The following WASHC3 variants were observed in gnomAD, a reference collection of about 807,000 sequenced individuals.
WASHC3 encodes WASH complex subunit CCDC53.
Under a neutral mutation model 26.1 loss-of-function variants are expected in WASHC3, and 24 were observed. That is an observed-to-expected ratio of 0.92 (90% confidence interval 0.66 to 1.29). The LOEUF (loss-of-function observed/expected upper bound fraction) is 1.29. Ranked by LOEUF, WASHC3 falls within the 50% of genes most tolerant of loss-of-function variation. WASHC3 has a pLI of 0.00. For synonymous variants in WASHC3, 77 were observed against 75.7 expected (o/e 1.02, Z -0.09); for missense variants, 214 against 229.6 (o/e 0.93, Z 0.44).
At chr12:102,038,968 T>A (rs1015227584) in intron 5 of WASHC3, among the ~76,000 whole-genome samples, 2 of 151,798 alleles carry the variant, frequency 1.3e-5, no homozygotes, top group Non-Finnish European at 2.9e-5. Context: ...TATTATTATT[T>A]TTTGAGACAG....
intron 2 of WASHC3, among the ~76,000 whole-genome samples, chr12:102,055,057 G>A (rs1403795355): frequency 3.3e-5 from 5 of 151,518 alleles, no homozygotes; most frequent in African/African-American, 4.8e-5. Context: ...AATAATGATC[G>A]GAACAGAAAA....
rs570449844 is a variant in WASHC3, at chr12:102,030,070, C to T, written c.436-4032G>A. ...CAGCACTTTGGGAGGCTGAGGTGGG[C>T]GGATCACCTGAGGTCGGGAGTTCGA... On this transcript the variant is annotated intron_variant, in intron 5 of 6. Transcript: ENST00000240079. Among the ~76,000 whole-genome samples the T allele has an allele frequency of 1.6e-4, 24 of 151,922 alleles. 1 individual carries two copies. In the East Asian group the frequency reaches 4.3e-3, roughly 27 times the overall value.
chr12:102,052,617 G>T (rs1878436303), intron 2 of WASHC3, among the ~76,000 whole-genome samples: 1 of 149,614 alleles, frequency 6.7e-6, no homozygotes. Context: ...TGGGCCCAAG[G>T]TTCAGGCCCA....
intron 5 of WASHC3, among the ~76,000 whole-genome samples, chr12:102,027,841 T>C (rs983371307): frequency 6.6e-6 from 1 of 152,154 alleles, no homozygotes; most frequent in African/African-American, 2.4e-5. Context: ...TGTTGTTTTG[T>C]CTTATAAATT....
At chr12:102,038,638 T>C (rs1877782765) in intron 5 of WASHC3, among the ~76,000 whole-genome samples, 1 of 152,208 alleles carries the variant, frequency 6.6e-6, no homozygotes, top group South Asian at 2.1e-4. Flanking sequence ...TTAAACTGGC[T>C]TTGTTTTATT....
chr12:102,044,247 T>C (rs1365130512), intron 3 of WASHC3, 35 bp from the exon 4 acceptor site: 2 of 1,085,782 alleles, frequency 1.8e-6, no homozygotes, highest in Admixed American at 2.1e-5. Context: ...AATATGAAGA[T>C]AGTACTTGCA....
chr12:102,021,663 G>A (rs1876964581), intron 6 of WASHC3, among the ~76,000 whole-genome samples: 1 of 152,146 alleles, frequency 6.6e-6, no homozygotes, highest in South Asian at 2.1e-4. Flanking sequence ...AACGGAAACA[G>A]TAAAAACCCT....
chr12:102,036,619 C>T (rs1307979958), intron 5 of WASHC3, among the ~76,000 whole-genome samples: 1 of 152,028 alleles, frequency 6.6e-6, no homozygotes, highest in Non-Finnish European at 1.5e-5. Flanking sequence ...GAACCAATTA[C>T]ATAAAAATTA....
intron 5 of WASHC3, among the ~76,000 whole-genome samples, chr12:102,035,224 C>T (rs954410646): frequency 1.3e-5 from 2 of 152,078 alleles, no homozygotes; most frequent in Non-Finnish European, 2.9e-5. Flanking sequence ...TCCTAAGTTG[C>T]CCCACTGAAA....
At chr12:102,039,632 T>G (rs908594107) in intron 5 of WASHC3, among the ~76,000 whole-genome samples, 18 of 152,032 alleles carry the variant, frequency 1.2e-4, no homozygotes, top group Non-Finnish European at 2.5e-4. Context: ...TGCAAAAAAA[T>G]GTACATAAAT....
chr12:102,060,694 G>A (rs959589150), intron 2 of WASHC3, among the ~76,000 whole-genome samples: 2 of 152,074 alleles, frequency 1.3e-5, no homozygotes, highest in Admixed American at 6.5e-5. Context: ...GGTGGCTCAC[G>A]CCTGTAATCC....
chr12:102,039,112 C>T (rs994318638), intron 5 of WASHC3, among the ~76,000 whole-genome samples: 8 of 148,766 alleles, frequency 5.4e-5, no homozygotes, highest in African/African-American at 2.0e-4. Context: ...AGGTGCATGC[C>T]ATCATATGGA....
At chr12:102,054,485 C>T (rs903327932) in intron 2 of WASHC3, among the ~76,000 whole-genome samples, 1 of 152,166 alleles carries the variant, frequency 6.6e-6, no homozygotes, top group Admixed American at 6.5e-5. Flanking sequence ...TGAGACTAGC[C>T]TGGGCAACAT....
rs1339196836 is a variant in WASHC3, at chr12:102,044,154, G to A, written c.275C>T (p.Thr92Ile). The A allele has an allele frequency of 8.1e-6, 13 of 1,610,628 alleles. No homozygotes were observed. The highest frequency in any genetic ancestry group is 9.3e-6 in the Non-Finnish European group (11 of 1,178,170). ...VTVEVSPLNVTSVTNGAHPEA... is the reference protein window; with the variant it reads ...VTVEVSPLNVISVTNGAHPEA... ...AGGATGTGCTCCATTTGTGACACTG[G>A]TGACATTTAAAGGAGATACTTCAAC... The change falls in exon 4 of 7, where the codon ACC becomes ATC. Residue 92 changes from threonine (T) to isoleucine (I), a missense_variant. Physicochemically the swap from Thr to Ile is moderately conservative, Grantham distance 89. Transcript: ENST00000240079.
intron 5 of WASHC3, among the ~76,000 whole-genome samples, chr12:102,038,419 T>A (rs1002279856): frequency 1.3e-5 from 2 of 152,198 alleles, no homozygotes; most frequent in Non-Finnish European, 2.9e-5. Flanking sequence ...CCTAGTAGAT[T>A]TTCCTGTTTG....
rs186386462 is a variant in WASHC3, at chr12:102,035,427, C to A, written c.435+4441G>T. ...CTGTTGTTGGAAATTTTGACAGTCA[C>A]TCATGATATGCTTAGAAAACAGAAG... On this transcript the variant is annotated intron_variant, in intron 5 of 6. Transcript: ENST00000240079. 3.6e-3 allele frequency among the ~76,000 whole-genome samples: 545 copies of A among 152,258 alleles called. 1 individual carries two copies. Among genetic ancestry groups the A allele is most frequent in the Non-Finnish European group, 6.5e-3 (444 of 68,018 alleles).
chr12:102,060,899 G>C (rs577615240), intron 2 of WASHC3, among the ~76,000 whole-genome samples: 3 of 141,442 alleles, frequency 2.1e-5, no homozygotes, highest in African/African-American at 8.1e-5. Flanking sequence ...AGGTTGCAGT[G>C]AGCCGAGATC....
intron 6 of WASHC3, among the ~76,000 whole-genome samples, chr12:102,025,059 A>C (rs1429446782): frequency 3.3e-5 from 5 of 152,200 alleles, no homozygotes. Flanking sequence ...ATATTTTGGC[A>C]GATAAAATAT....
chr12:102,048,619 TG>T (rs1878262006), intron 2 of WASHC3, among the ~76,000 whole-genome samples: 1 of 145,486 alleles, frequency 6.9e-6, no homozygotes, highest in Non-Finnish European at 1.5e-5. Flanking sequence ...GATCTAAGAC[TG>T]TCACCAATAG....
Sources: gnomAD v4.1 joint callset for allele counts (sites outside exome capture counted in the v4.1 genomes callset) on GRCh38, gnomAD v4.1.1 for gene constraint, MANE v1.5 for transcripts, NCBI Gene and HGNC (gene_info 2026-07-23, HGNC 2026-07-21) for gene names.